The following COA7 variants were observed in gnomAD, a reference collection of about 807,000 sequenced individuals.
COA7 encodes cytochrome c oxidase assembly factor 7.
In COA7, 12 loss-of-function variants were observed where a neutral mutation model predicts 21.0. The ratio of observed to expected loss-of-function variants is 0.57; its 90% confidence interval spans 0.37 to 0.92. COA7 has a LOEUF of 0.92. Among genes scored for constraint, COA7 ranks in the 40% least tolerant of loss-of-function variants. The probability of loss-of-function intolerance (pLI) is 0.01; values close to 1 mark genes in which losing one functional copy is unlikely to be tolerated. For synonymous variants in COA7, 95 were observed against 107.4 expected (o/e 0.88, Z 0.72); for missense variants, 240 against 286.1 (o/e 0.84, Z 1.16).
At position 52,684,669 on chromosome 1, in the gene COA7, G is replaced by C. The variant is rs1050637887; in HGVS notation, c.*3051C>G. 4 of 152,078 alleles carry C rather than the reference G, an allele frequency of 2.6e-5. No individual in the cohort carries two copies. The highest frequency in any genetic ancestry group is 9.7e-5 in the African/African-American group (4 of 41,400). The allele number at this position is 152,078 out of a possible 1,614,324, so 9.4% of individuals were successfully genotyped here. ...CAGTTTACATTAGGGTTCACTCTTG[G>C]TGTTGTACATTTTAGGGGGTTGGAC... On this transcript the variant is annotated 3_prime_UTR_variant, in exon 3 of 3. Transcript: ENST00000371538.
At chr1:52,693,732 A>G (rs1304947188) in intron 1 of COA7, among the ~76,000 whole-genome samples, 4 of 152,146 alleles carry the variant, frequency 2.6e-5, no homozygotes. Context: ...TCTAATGAAA[A>G]TAGGCTCTAC....
intron 1 of COA7, chr1:52,697,955 A>G: frequency 2.3e-6 from 1 of 444,220 alleles, no homozygotes; most frequent in East Asian, 3.9e-5. Flanking sequence ...AAGCTCCACG[A>G]GGGCAGGGAG....
chr1:52,691,470 G>A (rs1451931274), intron 2 of COA7, among the ~76,000 whole-genome samples: 1 of 122,068 alleles, frequency 8.2e-6, no homozygotes, highest in Non-Finnish European at 1.7e-5. Context: ...GTGTGTGTGT[G>A]TTTTTTTTTT....
At chr1:52,696,186 T>A (rs183730934) in intron 1 of COA7, among the ~76,000 whole-genome samples, 22 of 152,290 alleles carry the variant, frequency 1.4e-4, no homozygotes, top group African/African-American at 5.1e-4. Context: ...CAGGTTCTTT[T>A]TTTTGAGACG....
chr1:52,691,813 C>T (rs1644049091), intron 2 of COA7, among the ~76,000 whole-genome samples: 2 of 151,904 alleles, frequency 1.3e-5, no homozygotes, highest in Admixed American at 1.3e-4. Context: ...CTTTAATATT[C>T]CTTCCTCTTC....
chr1:52,692,619 A>G, intron 2 of COA7, 108 bp downstream of exon 2: 1 of 1,276,004 alleles, frequency 7.8e-7, no homozygotes, highest in Non-Finnish European at 1.1e-6. Flanking sequence ...CCTACAATGC[A>G]CTTTCCCAAT....
rs1184003227 is a variant in COA7 at position 52,693,950 on chromosome 1, C to CAATA, written c.107-1087_107-1084dup. ...AATTTACATTCTAGGGGAGGAAATA[C>CAATA]AATAAATAAATAAATGAACAAAATT... On this transcript the variant is annotated intron_variant, in intron 1 of 2. Coordinates refer to ENST00000371538, the MANE Select transcript of COA7 (RefSeq NM_023077.3). Among the ~76,000 whole-genome samples the CAATA allele has an allele frequency of 1.4e-4, 21 of 152,150 alleles. No homozygotes were observed. The East Asian group carries it at 3.7e-3, about 27-fold the overall frequency.
chr1:52,694,919 T>C (rs1346621595), intron 1 of COA7, among the ~76,000 whole-genome samples: 1 of 152,108 alleles, frequency 6.6e-6, no homozygotes, highest in South Asian at 2.1e-4. Context: ...GACCAGACCA[T>C]AGGCCTCGTG....
At chr1:52,689,708 T>C (rs1015952596) in intron 2 of COA7, among the ~76,000 whole-genome samples, 1 of 151,698 alleles carries the variant, frequency 6.6e-6, no homozygotes, top group Non-Finnish European at 1.5e-5. Flanking sequence ...CTGGCCAACA[T>C]GGTAAAACCC....
Position 52,685,589 on chromosome 1 carries a change from CAG to C in COA7, c.*2129_*2130del, listed in dbSNP as rs1028152981. On this transcript the variant is annotated 3_prime_UTR_variant, in exon 3 of 3. Coordinates refer to ENST00000371538, the MANE Select transcript of COA7 (RefSeq NM_023077.3). ...TGTGTGTGTGTGTGTTTTTTTGAGA[CAG>C]AGTCTCACTCTGTTACCTGGCTGGA... 5 of 151,564 alleles carry C rather than the reference CAG, an allele frequency of 3.3e-5. No individual in the cohort carries two copies. The East Asian group carries it at 5.8e-4, about 18-fold the overall frequency. 9.4% of individuals were successfully genotyped at this position (151,564 alleles called of 1,614,324 possible).
chr1:52,692,618 C>T, intron 2 of COA7, 109 bp downstream of exon 2: 1 of 1,260,360 alleles, frequency 7.9e-7, no homozygotes, highest in Non-Finnish European at 1.1e-6. Context: ...TCCTACAATG[C>T]ACTTTCCCAA....
In COA7 at chr1:52,698,227, G is replaced by A. The variant is rs772550548; in HGVS notation, c.100C>T (p.Pro34Ser). Reference sequence around the variant, plus strand: ...CTGCGCTGGAGCCGCTCACCGTCCGGGTCCTTCTCGTGGTAGCAGTGGTAG... The same window carrying A: ...CTGCGCTGGAGCCGCTCACCGTCCGAGTCCTTCTCGTGGTAGCAGTGGTAG... ...CNYHCYHEKD[P>S]DGCYRLVDYL... The change falls in exon 1 of 3, where the codon CCG becomes TCG. Residue 34 changes from proline (P) to serine (S), a missense_variant. Coordinates refer to ENST00000371538, the MANE Select transcript of COA7 (RefSeq NM_023077.3). 4 of 1,609,394 alleles carry A rather than the reference G, an allele frequency of 2.5e-6. No individual in the cohort carries two copies. The highest frequency in any genetic ancestry group is 2.2e-5 in the East Asian group (1 of 44,806).
intron 1 of COA7, among the ~76,000 whole-genome samples, chr1:52,694,623 A>G (rs1644071408): frequency 1.3e-5 from 2 of 152,216 alleles, no homozygotes; most frequent in Admixed American, 1.3e-4. Context: ...TGAATGGCTA[A>G]CAAAGACTGA....
intron 1 of COA7, among the ~76,000 whole-genome samples, chr1:52,695,033 C>G (rs779373135): frequency 1.3e-5 from 2 of 152,124 alleles, no homozygotes; most frequent in Non-Finnish European, 2.9e-5. Context: ...GTGGCTCATG[C>G]CTGTAATCCC....
intron 1 of COA7, among the ~76,000 whole-genome samples, chr1:52,696,640 G>A (rs1644085376): frequency 6.6e-6 from 1 of 151,768 alleles, no homozygotes; most frequent in Non-Finnish European, 1.5e-5. Flanking sequence ...TTAGAAGGTA[G>A]GGCCAGTGCC....
chr1:52,689,810 G>A lies in COA7; in HGVS notation c.248-1642C>T, dbSNP rs138668571. Among the ~76,000 whole-genome samples the A allele has an allele frequency of 4.3e-3, 659 of 151,780 alleles. 10 individuals are homozygous for A. The highest frequency in any genetic ancestry group is 0.015 in the African/African-American group (618 of 41,410). ...GGAGGCTGAGGCGGGTGGATCACGA[G>A]GTCAGGAGTTCGAGACCAGCCTGGC... On this transcript the variant is annotated intron_variant, in intron 2 of 2. Transcript: ENST00000371538.
rs1431150845 is a variant in COA7 at position 52,686,493 on chromosome 1, G to C, written c.*1227C>G. On this transcript the variant is annotated 3_prime_UTR_variant, in exon 3 of 3. Coordinates refer to ENST00000371538, the MANE Select transcript of COA7 (RefSeq NM_023077.3). ...GACGGAGTCTCACTCTATCGCCCAG[G>C]CTGGAGGGCAGTGGCGCAATCTCAG... 6.6e-6 allele frequency: 1 copy of C among 151,966 alleles called. No homozygotes were observed. Among genetic ancestry groups the C allele is most frequent in the Non-Finnish European group, 1.5e-5 (1 of 68,042 alleles). 9.4% of individuals were successfully genotyped at this position (151,966 alleles called of 1,614,324 possible).
At chr1:52,690,540 G>A (rs1644037855) in intron 2 of COA7, among the ~76,000 whole-genome samples, 1 of 151,950 alleles carries the variant, frequency 6.6e-6, no homozygotes, top group South Asian at 2.1e-4. Context: ...GTGAAACTAA[G>A]GAAACTGCTG....
At chr1:52,696,375 T>C (rs1444189476) in intron 1 of COA7, among the ~76,000 whole-genome samples, 1 of 152,048 alleles carries the variant, frequency 6.6e-6, no homozygotes, top group African/African-American at 2.4e-5. Flanking sequence ...TTTAATCATA[T>C]TGGTCAGGCT....
Sources: allele counts gnomAD v4.1 joint callset (sites outside exome capture counted in the v4.1 genomes callset), GRCh38; gene constraint gnomAD v4.1.1; transcripts MANE v1.5; gene names NCBI Gene and HGNC (gene_info 2026-07-23, HGNC 2026-07-21).